Variants in AGL observed in about 807,000 individuals in gnomAD.
AGL encodes the protein glycogen debranching enzyme.
AGL carries 128 observed loss-of-function variants against 199.3 expected under a neutral mutation model. That is an observed-to-expected ratio of 0.64 (90% CI 0.56 to 0.74). The LOEUF (loss-of-function observed/expected upper bound fraction) is 0.74. Ranked by LOEUF, AGL falls within the 30% of genes least tolerant of loss-of-function variation. The pLI is 0.00. For missense variants in AGL, 1,809 were observed against 1,820.8 expected, an observed-to-expected ratio of 0.99 and a Z score of 0.12; for synonymous variants, 584 against 594.7, an observed-to-expected ratio of 0.98 and a Z score of 0.26.
Position 99,864,601 on chromosome 1 carries a change from AT to A in AGL, c.664+14del. On this transcript the variant is annotated intron_variant, in intron 5 of 33. Coordinates refer to ENST00000361915, the MANE Select transcript of AGL (RefSeq NM_000642.3). ...CTACAATCATACTGGTATGAGCTTC[AT>A]TGACTGCCTTCATTAATTTTGATGA... is the stretch of plus-strand genomic sequence containing the variant. The A allele has an allele frequency of 1.2e-6, 2 of 1,604,264 alleles. No individual in the cohort carries two copies. Among genetic ancestry groups the A allele is most frequent in the Non-Finnish European group, 1.7e-6 (2 of 1,171,364 alleles).
Position 99,874,829 on chromosome 1 carries a change from T to C in AGL, c.1082+19T>C, listed in dbSNP as rs1429121284. The C allele has an allele frequency of 6.2e-7, 1 of 1,611,732 alleles. No individual in the cohort carries two copies. Among genetic ancestry groups the C allele is most frequent in the Admixed American group, 1.7e-5 (1 of 60,008 alleles). On this transcript the variant is annotated intron_variant, in intron 8 of 33. Coordinates refer to ENST00000361915, the MANE Select transcript of AGL (RefSeq NM_000642.3). Reference sequence around the variant, plus strand: ...CACATGAGTATGTAATGTGTTTTTTTCTGTGAAATAATAATATTACTTACA... The same window carrying C: ...CACATGAGTATGTAATGTGTTTTTTCCTGTGAAATAATAATATTACTTACA...
chr1:99,891,980 A>G (rs948312899), intron 23 of AGL, among the ~76,000 whole-genome samples: 1 of 152,302 alleles, frequency 6.6e-6, no homozygotes, highest in East Asian at 1.9e-4. Context: ...ATTGTTTTAT[A>G]TTGTTTCTAT....
intron 26 of AGL, among the ~76,000 whole-genome samples, chr1:99,901,527 G>A (rs1197234857): frequency 6.6e-6 from 1 of 152,042 alleles, no homozygotes; most frequent in Non-Finnish European, 1.5e-5. Flanking sequence ...AAGTCAATAT[G>A]GTTTGGCTTT....
intron 4 of AGL, 121 bp downstream of exon 4, chr1:99,862,544 A>T: frequency 9.5e-7 from 1 of 1,056,238 alleles, no homozygotes; most frequent in Non-Finnish European, 1.4e-6. Context: ...GAACTACCTG[A>T]GACTGGGTAA....
At position 99,875,376 on chromosome 1, in the gene AGL, G is replaced by A. The variant is rs1374261127; in HGVS notation, c.1204G>A (p.Gly402Arg). The A allele has an allele frequency of 6.2e-7, 1 of 1,614,068 alleles. No individual in the cohort carries two copies. Among genetic ancestry groups the A allele is most frequent in the Admixed American group, 1.7e-5 (1 of 60,012 alleles). Residue 402 changes from glycine to arginine, a missense_variant, in exon 10 of 34, where the codon GGA (glycine) becomes AGA (arginine). By Grantham distance (125) the Gly-to-Arg change is moderately radical. Coordinates refer to ENST00000361915, the MANE Select transcript of AGL (RefSeq NM_000642.3). ...TTTTCAGGCAGTTAATTGCCTTTTGGGAAATGTGTTTTATGAACGACTGGC... is the reference window on the plus strand; with the variant it reads ...TTTTCAGGCAGTTAATTGCCTTTTGAGAAATGTGTTTTATGAACGACTGGC... ...HQEQAVNCLL[G>R]NVFYERLAGH...
chr1:99,893,605 T>A (rs1403622031), intron 24 of AGL, among the ~76,000 whole-genome samples: 1 of 152,212 alleles, frequency 6.6e-6, no homozygotes, highest in Non-Finnish European at 1.5e-5. Context: ...TTTGATTGTG[T>A]ACTGCTGTTG....
intron 12 of AGL, 131 bp from the exon 13 acceptor site, chr1:99,879,792 G>A (rs1245510366): frequency 6.9e-6 from 5 of 726,098 alleles, no homozygotes; most frequent in Non-Finnish European, 1.2e-5. Flanking sequence ...ATGTGTTTTG[G>A]TATGTTTGAT....
chr1:99,887,302 T>C (rs1652524904), intron 20 of AGL, among the ~76,000 whole-genome samples: 1 of 152,194 alleles, frequency 6.6e-6, no homozygotes, highest in African/African-American at 2.4e-5. Flanking sequence ...GTCTTACTGC[T>C]AACCAAACAA....
rs544720350 is a variant in AGL, at chr1:99,853,788, G to A, written c.82+2664G>A. On this transcript the variant is annotated intron_variant, in intron 2 of 33. Coordinates refer to ENST00000361915, the MANE Select transcript of AGL (RefSeq NM_000642.3). ...CCTGTGGTCCCCAGCTACCTAGGAG[G>A]TTGAGGCTGGAGGATCTCTTGAGCC... 2.0e-5 allele frequency among the ~76,000 whole-genome samples: 3 copies of A among 152,328 alleles called. No individual in the cohort carries two copies. The South Asian group carries it at 6.2e-4, about 32-fold the overall frequency.
At chr1:99,908,911 C>T (rs1024854376) in intron 27 of AGL, among the ~76,000 whole-genome samples, 2 of 152,088 alleles carry the variant, frequency 1.3e-5, no homozygotes, top group Admixed American at 6.5e-5. Flanking sequence ...GAGTGGAGTT[C>T]CACACTGTGT....
At position 99,913,548 on chromosome 1, in the gene AGL, A is replaced by G; in HGVS notation, c.3971A>G (p.Tyr1324Cys). 2 of 1,613,742 alleles carry G rather than the reference A, an allele frequency of 1.2e-6. No homozygotes were observed. The highest frequency in any genetic ancestry group is 1.7e-6 in the Non-Finnish European group (2 of 1,179,780). ...TCAGGAAAGGCTATAAAGGTCTCAT[A>G]TGATGAGTGGAACAGAAAAATACAA... Reference protein sequence around the residue: ...KRHGKAIKVSYDEWNRKIQDN... With the variant: ...KRHGKAIKVSCDEWNRKIQDN... Residue 1324 changes from tyrosine (Y) to cysteine (C), a missense_variant, in exon 30 of 34, where the codon TAT (tyrosine) becomes TGT (cysteine). By Grantham distance (194) the Tyr-to-Cys change is radical. Coordinates refer to ENST00000361915, the MANE Select transcript of AGL (RefSeq NM_000642.3).
intron 17 of AGL, among the ~76,000 whole-genome samples, chr1:99,882,052 T>C (rs1652077431): frequency 6.6e-6 from 1 of 150,724 alleles, no homozygotes; most frequent in Non-Finnish European, 1.5e-5. Flanking sequence ...GGTGGGAGGA[T>C]CGCTTGAGCC....
rs1653751927 is a variant in AGL at position 99,900,649 on chromosome 1, G to A, written c.3376G>A (p.Ala1126Thr). 6.2e-7 allele frequency: 1 copy of A among 1,613,524 alleles called. No homozygotes were observed. The highest frequency in any genetic ancestry group is 8.5e-7 in the Non-Finnish European group (1 of 1,179,526). The change falls in exon 26 of 34, where the codon GCA (alanine) becomes ACA (threonine). Residue 1126 changes from alanine (A) to threonine (T), a missense_variant. Transcript: ENST00000361915. ...CTGTTGTTTTAGGAATATTATTTTA[G>A]CATTTGCGGGTACCCTGAGGCATGG... ...RYVEARNIIL[A>T]FAGTLRHGLI...
Position 99,874,757 on chromosome 1 carries a change from G to A in AGL, c.1029G>A (p.Arg343=). Residue 343 remains arginine (R), a synonymous_variant, in exon 8 of 34, where the codon CGG becomes CGA. Transcript: ENST00000361915. ...TTATTCAAGATCCTGAATACAGACG[G>A]TTTGGCTGTACTGTAGATATGAACA... ...LTIIQDPEYR[R]FGCTVDMNIA... The A allele has an allele frequency of 6.2e-7, 1 of 1,603,762 alleles. No individual in the cohort carries two copies.
chr1:99,870,253 C>T (rs1571242377), intron 5 of AGL, 147 bp from the exon 6 acceptor site: 2 of 800,750 alleles, frequency 2.5e-6, no homozygotes, highest in Middle Eastern at 3.8e-4. Flanking sequence ...AAAAACTTTT[C>T]CTGTAACAGT....
rs760227468 is a variant in AGL at position 99,881,606 on chromosome 1, G to A, written c.2223G>A (p.Gln741=). 2.5e-6 allele frequency: 4 copies of A among 1,614,046 alleles called. No individual in the cohort carries two copies. Among genetic ancestry groups the A allele is most frequent in the Non-Finnish European group, 3.4e-6 (4 of 1,179,956 alleles). ...AVTRHSPSIH[Q]SVVAVSRTAF... is the part of the protein sequence containing the mutation. ...CAAGACACTCACCTAGCATCCATCAGTCTGTTGTGGCTGTATCTAGAACTG... is the reference window on the plus strand; with the variant it reads ...CAAGACACTCACCTAGCATCCATCAATCTGTTGTGGCTGTATCTAGAACTG... The change falls in exon 17 of 34, where the codon CAG becomes CAA. Residue 741 remains glutamine, a synonymous_variant. Coordinates refer to ENST00000361915, the MANE Select transcript of AGL (RefSeq NM_000642.3).
Position 99,881,661 on chromosome 1 carries a change from A to G in AGL, c.2278A>G (p.Ser760Gly), listed in dbSNP as rs1557764694. ...CAGGAATCCCAAGACTTCATTTTAC[A>G]GCAAGGAAGTGCCTCAAATGTGCAT... Reference protein sequence around the residue: ...AFRNPKTSFYSKEVPQMCIPG... With the variant: ...AFRNPKTSFYGKEVPQMCIPG... Residue 760 changes from serine (S) to glycine (G), a missense_variant, in exon 17 of 34, where the codon AGC (serine) becomes GGC (glycine). Physicochemically the swap from Ser to Gly is moderately conservative, Grantham distance 56 (BLOSUM62 0). Transcript: ENST00000361915. The G allele has an allele frequency of 6.2e-7, 1 of 1,613,858 alleles. No individual in the cohort carries two copies. Among genetic ancestry groups the G allele is most frequent in the African/African-American group, 1.3e-5 (1 of 74,908 alleles).
At chr1:99,917,899 A>G (rs1014988132) in intron 33 of AGL, among the ~76,000 whole-genome samples, 2 of 152,088 alleles carry the variant, frequency 1.3e-5, no homozygotes, top group Non-Finnish European at 1.5e-5. Flanking sequence ...TGGTTACTAC[A>G]TTTGTTTAGG....
chr1:99,916,856 C>T, intron 33 of AGL, 125 bp downstream of exon 33: 1 of 1,002,042 alleles, frequency 1.0e-6, no homozygotes, highest in Non-Finnish European at 1.5e-6. Context: ...AAAGTGAAGC[C>T]TTTATTCTTT....
Sources: allele counts gnomAD v4.1 joint callset (sites outside exome capture counted in the v4.1 genomes callset), GRCh38; gene constraint gnomAD v4.1.1; transcripts MANE v1.5; gene names NCBI Gene and HGNC (gene_info 2026-07-23, HGNC 2026-07-21).